Variants in COL22A1 observed in about 807,000 individuals in gnomAD.
COL22A1 encodes collagen alpha-1(XXII) chain.
COL22A1 carries 221 observed loss-of-function variants against 248.9 expected under a neutral mutation model. The ratio of observed to expected loss-of-function variants is 0.89; its 90% CI spans 0.80 to 0.99. The LOEUF is 0.99. Ranked by LOEUF, COL22A1 falls within the 50% of genes least tolerant of loss-of-function variation. The pLI, the probability that COL22A1 is intolerant of heterozygous loss-of-function variation, is 0.00. For missense variants in COL22A1, 2,240 were observed against 2,179.0 expected, an observed-to-expected ratio of 1.03 and a Z score of -0.56; for synonymous variants, 891 against 793.4, an observed-to-expected ratio of 1.12 and a Z score of -2.07.
chr8:138,802,758 C>G, intron 11 of COL22A1, 114 bp downstream of exon 11: 1 of 821,450 alleles, frequency 1.2e-6, no homozygotes, highest in Non-Finnish European at 2.1e-6. Context: ...GGAGTAGTGC[C>G]TGGCCCCTGC....
At chr8:138,655,422 G>A (rs1223471267) in intron 45 of COL22A1, among the ~76,000 whole-genome samples, 1 of 152,130 alleles carries the variant, frequency 6.6e-6, no homozygotes, top group Admixed American at 6.5e-5. Flanking sequence ...GCAGTTGCAT[G>A]CCCATGGCTC....
chr8:138,711,908 A>G (rs1341413336), intron 30 of COL22A1, among the ~76,000 whole-genome samples: 3 of 152,210 alleles, frequency 2.0e-5, no homozygotes, highest in Non-Finnish European at 4.4e-5. Flanking sequence ...TTCTATGTGC[A>G]CTGGCAGGGT....
chr8:138,643,606 C>T (rs898212337), intron 47 of COL22A1, among the ~76,000 whole-genome samples: 8 of 83,648 alleles, frequency 9.6e-5, no homozygotes, highest in Admixed American at 1.1e-4. Context: ...TATCCCTATG[C>T]AATATAGATA....
At chr8:138,817,514 T>C (rs955577785) in intron 7 of COL22A1, among the ~76,000 whole-genome samples, 5 of 152,104 alleles carry the variant, frequency 3.3e-5, no homozygotes, top group Admixed American at 1.3e-4. Flanking sequence ...ACTGAAATGA[T>C]GAGGACCCAG....
chr8:138,757,229 G>T (rs993409800), intron 18 of COL22A1, among the ~76,000 whole-genome samples: 2 of 152,282 alleles, frequency 1.3e-5, no homozygotes, highest in East Asian at 3.9e-4. Flanking sequence ...AACAGAGTCA[G>T]ATTTCCCCTA....
intron 1 of COL22A1, among the ~76,000 whole-genome samples, chr8:138,909,280 G>A (rs756789489): frequency 7.9e-5 from 12 of 152,120 alleles, no homozygotes; most frequent in Non-Finnish European, 1.6e-4. Flanking sequence ...CAGACCTCCA[G>A]AACTTATTCA....
intron 1 of COL22A1, among the ~76,000 whole-genome samples, chr8:138,897,619 G>A (rs1275626692): frequency 6.6e-6 from 1 of 152,006 alleles, no homozygotes; most frequent in East Asian, 1.9e-4. Flanking sequence ...GCCATCCTGA[G>A]GCCCCTGAAG....
intron 25 of COL22A1, among the ~76,000 whole-genome samples, chr8:138,722,859 G>GGA (rs1218109865): frequency 1.9e-5 from 2 of 103,992 alleles, no homozygotes; most frequent in African/African-American, 3.5e-5. Context: ...GCGGGGGGGG[G>GGA]GTGGTGGAAA....
chr8:138,891,648 G>T (rs1383913129), intron 1 of COL22A1, among the ~76,000 whole-genome samples: 1 of 152,088 alleles, frequency 6.6e-6, no homozygotes. Flanking sequence ...TCATGGGAAG[G>T]ATTCAATCCC....
chr8:138,774,283 G>A (rs1814177818), intron 16 of COL22A1, among the ~76,000 whole-genome samples: 1 of 152,102 alleles, frequency 6.6e-6, no homozygotes, highest in Non-Finnish European at 1.5e-5. Context: ...AAAGCAACGT[G>A]AGCGAGCCAC....
At chr8:138,884,398 G>A (rs978062580) in intron 1 of COL22A1, among the ~76,000 whole-genome samples, 5 of 152,174 alleles carry the variant, frequency 3.3e-5, no homozygotes, top group African/African-American at 7.2e-5. Flanking sequence ...AAGAACTAAC[G>A]AAGAATTCTT....
intron 3 of COL22A1, among the ~76,000 whole-genome samples, chr8:138,849,379 G>T (rs1397054884): frequency 6.6e-6 from 1 of 152,202 alleles, no homozygotes; most frequent in South Asian, 2.1e-4. Flanking sequence ...TCCTTACCAT[G>T]GCTTTACGAG....
intron 50 of COL22A1, among the ~76,000 whole-genome samples, chr8:138,628,760 CTTTTTT>C (rs56318714): frequency 8.0e-6 from 1 of 124,294 alleles, no homozygotes; most frequent in African/African-American, 3.9e-5. Context: ...AGATCCACAT[CTTTTTT>C]TTTTTTTTTT....
chr8:138,772,190 C>T (rs771104938), intron 16 of COL22A1, among the ~76,000 whole-genome samples: 1 of 152,248 alleles, frequency 6.6e-6, no homozygotes, highest in African/African-American at 2.4e-5. Context: ...GTTCCTGCAT[C>T]GTCTCTCGCA....
At position 138,868,345 on chromosome 8, in the gene COL22A1, A is replaced by G. The variant is rs113341662; in HGVS notation, c.658+9405T>C. 4.8e-3 allele frequency among the ~76,000 whole-genome samples: 738 copies of G among 152,222 alleles called. 6 individuals carry two copies. The highest frequency in any genetic ancestry group is 0.015 in the African/African-American group (632 of 41,548). ...TCAGTTTGGGTAGGAGTGGGAGAGA[A>G]TCTTAGATACTATAATAGCCTTAGG... On this transcript the variant is annotated intron_variant, in intron 3 of 64. Transcript: ENST00000303045.
intron 23 of COL22A1, among the ~76,000 whole-genome samples, chr8:138,730,155 G>A (rs1428853480): frequency 6.6e-6 from 1 of 152,240 alleles, no homozygotes; most frequent in Non-Finnish European, 1.5e-5. Context: ...CCCCTGGACA[G>A]TATCTGTCTC....
chr8:138,903,980 C>T (rs981413208), intron 1 of COL22A1, among the ~76,000 whole-genome samples: 62 of 152,248 alleles, frequency 4.1e-4, no homozygotes, highest in Non-Finnish European at 2.6e-4. Context: ...CCCTGGAGCC[C>T]CTGCACCCAG....
intron 46 of COL22A1, 129 bp downstream of exon 46, chr8:138,649,536 C>T: frequency 6.8e-7 from 1 of 1,470,454 alleles, no homozygotes; most frequent in Non-Finnish European, 9.1e-7. Context: ...CCCAGTACTC[C>T]TCATCTATCT....
intron 32 of COL22A1, among the ~76,000 whole-genome samples, chr8:138,698,880 G>A (rs74528502): frequency 0.023 from 3,478 of 152,350 alleles, 135 homozygotes; most frequent in African/African-American, 0.075. Flanking sequence ...CTGCCAGAGC[G>A]GAGCAGAGTT....
Sources: allele counts gnomAD v4.1 joint callset (sites outside exome capture counted in the v4.1 genomes callset), GRCh38; gene constraint gnomAD v4.1.1; transcripts MANE v1.5; gene names NCBI Gene and HGNC (gene_info 2026-07-23, HGNC 2026-07-21).